Variants in VWA8 observed in about 807,000 individuals in gnomAD.
VWA8 encodes the protein von Willebrand factor A domain-containing protein 8.
A neutral mutation model predicts 241.5 loss-of-function variants in VWA8; 221 were observed. The observed-to-expected ratio is 0.91, with a 90% CI of 0.82 to 1.02. VWA8 has a LOEUF of 1.02. Among genes scored for constraint, VWA8 ranks in the 50% least tolerant of loss-of-function variants. VWA8 has a pLI of 0.00. For missense variants in VWA8, 2,322 were observed against 2,328.7 expected (o/e 1.00, Z 0.06); for synonymous variants, 852 against 827.1 (o/e 1.03, Z -0.52).
rs2045180588 is a variant in VWA8, at chr13:41,691,887, A to G, written c.3727T>C (p.Tyr1243His). Reference protein sequence around the residue: ...EFSHKNWLVFYKEKGNSLTVL... With the variant: ...EFSHKNWLVFHKEKGNSLTVL... ...TAAAGAGCTCACCCTTTTTCTTTGT[A>G]GAACACCAGCCAGTTTTTGTGTGAA... The change falls in exon 31 of 45, where the codon TAC becomes CAC. Residue 1243 changes from tyrosine (Y) to histidine (H), a missense_variant. Physicochemically the swap from Tyr to His is moderately conservative, Grantham distance 83. Coordinates refer to ENST00000379310, the MANE Select transcript of VWA8 (RefSeq NM_015058.2). 2 of 1,610,426 alleles carry G rather than the reference A, an allele frequency of 1.2e-6. No individual in the cohort carries two copies. The highest frequency in any genetic ancestry group is 1.7e-6 in the Non-Finnish European group (2 of 1,177,278).
At chr13:41,931,365 A>G (rs554561423) in intron 2 of VWA8, among the ~76,000 whole-genome samples, 14 of 144,120 alleles carry the variant, frequency 9.7e-5, no homozygotes, top group African/African-American at 3.5e-4. Flanking sequence ...CAGGGGGAGT[A>G]AAAAACACAG....
At chr13:41,585,603 C>A (rs189232306) in intron 42 of VWA8, among the ~76,000 whole-genome samples, 1 of 152,074 alleles carries the variant, frequency 6.6e-6, no homozygotes, top group Non-Finnish European at 1.5e-5. Context: ...CGGTGGCTTG[C>A]GCCTGTAATC....
At chr13:41,693,533 T>G (rs1388228582) in intron 29 of VWA8, among the ~76,000 whole-genome samples, 1 of 152,092 alleles carries the variant, frequency 6.6e-6, no homozygotes, top group African/African-American at 2.4e-5. Flanking sequence ...AACTAGCTAG[T>G]AATGAATGTT....
At chr13:41,863,395 TTGTG>T (rs140177608) in intron 12 of VWA8, among the ~76,000 whole-genome samples, 2,623 of 89,842 alleles carry the variant, frequency 0.029, 75 homozygotes, top group Middle Eastern at 0.051. Context: ...TATCTCCTAT[TTGTG>T]TGTGTGTGTG....
At chr13:41,574,990 T>C (rs2044341536) in intron 43 of VWA8, among the ~76,000 whole-genome samples, 1 of 152,120 alleles carries the variant, frequency 6.6e-6, no homozygotes, top group Admixed American at 6.5e-5. Flanking sequence ...CAATTAGCAA[T>C]TGCAATGATA....
intron 24 of VWA8, among the ~76,000 whole-genome samples, chr13:41,724,359 G>A (rs1232873772): frequency 6.6e-6 from 1 of 152,058 alleles, no homozygotes; most frequent in African/African-American, 2.4e-5. Context: ...AAAAGAGTAA[G>A]ATTAAGAGGT....
At chr13:41,729,827 A>ACACG (rs1265789020) in intron 22 of VWA8, 150 bp from the exon 23 acceptor site, 3 of 605,252 alleles carry the variant, frequency 5.0e-6, no homozygotes, top group Non-Finnish European at 7.8e-6. Flanking sequence ...ACACACACAC[A>ACACG]CACACACACA....
intron 2 of VWA8, among the ~76,000 whole-genome samples, chr13:41,924,812 G>C (rs911667098): frequency 1.3e-5 from 2 of 151,492 alleles, no homozygotes; most frequent in African/African-American, 4.9e-5. Context: ...TGCACAACGT[G>C]CAAGTCAGTT....
intron 37 of VWA8, among the ~76,000 whole-genome samples, chr13:41,647,537 C>T (rs1355503355): frequency 1.3e-5 from 2 of 152,180 alleles, no homozygotes; most frequent in East Asian, 1.9e-4. Flanking sequence ...ATTCATTTGA[C>T]AAATGCTTAC....
chr13:41,961,033 C>T lies in VWA8; in HGVS notation c.-18G>A. 1 of 1,329,298 alleles carries T rather than the reference C, an allele frequency of 7.5e-7. No individual in the cohort carries two copies. The highest frequency in any genetic ancestry group is 9.6e-7 in the Non-Finnish European group (1 of 1,045,460). 82.3% of individuals were successfully genotyped at this position (1,329,298 alleles called of 1,614,324 possible). A position where few individuals can be genotyped will look rare whatever the true frequency, so the allele number is the denominator to read the frequency against. ...GATTGCATGGCGCCGGGGGGGCTGT[C>T]GGGGACGGCGAGGGGGCTCGGGGAT... is the stretch of plus-strand genomic sequence containing the variant. On this transcript the variant is annotated 5_prime_UTR_variant, in exon 1 of 45. Transcript: ENST00000379310.
At chr13:41,873,567 T>C (rs1873747787) in intron 9 of VWA8, among the ~76,000 whole-genome samples, 3 of 152,038 alleles carry the variant, frequency 2.0e-5, no homozygotes, top group Non-Finnish European at 4.4e-5. Context: ...TCTACGCAAA[T>C]AAACTAGAAA....
intron 12 of VWA8, among the ~76,000 whole-genome samples, chr13:41,858,393 G>A (rs1027386589): frequency 6.6e-6 from 1 of 152,140 alleles, no homozygotes; most frequent in Non-Finnish European, 1.5e-5. Context: ...ATCACCTGAG[G>A]TCAGGAGTTT....
At chr13:41,706,876 G>A (rs1222592197) in intron 26 of VWA8, among the ~76,000 whole-genome samples, 1 of 152,206 alleles carries the variant, frequency 6.6e-6, no homozygotes, top group African/African-American at 2.4e-5. Context: ...CTGGAAAGAT[G>A]TGTGGATTTG....
At chr13:41,953,819 T>TA (rs1285200949) in intron 1 of VWA8, among the ~76,000 whole-genome samples, 1 of 151,410 alleles carries the variant, frequency 6.6e-6, no homozygotes, top group African/African-American at 2.4e-5. Context: ...CAAAAAAAAT[T>TA]AAAAAAGAAA....
intron 2 of VWA8, among the ~76,000 whole-genome samples, chr13:41,942,387 G>A (rs542407536): frequency 1.3e-5 from 2 of 151,954 alleles, no homozygotes; most frequent in African/African-American, 4.8e-5. Flanking sequence ...ACAAAACAAA[G>A]AAGCCTACAT....
chr13:41,920,059 C>T (rs1391273701), intron 2 of VWA8, among the ~76,000 whole-genome samples: 1 of 152,146 alleles, frequency 6.6e-6, no homozygotes, highest in Non-Finnish European at 1.5e-5. Context: ...CTCCCTGTCC[C>T]CTGGGCCGTA....
chr13:41,914,287 G>A (rs778790993), intron 2 of VWA8, among the ~76,000 whole-genome samples: 14 of 152,192 alleles, frequency 9.2e-5, no homozygotes, highest in South Asian at 2.1e-4. Context: ...GAAAATATCC[G>A]CAGGAGAGTA....
Position 41,915,991 on chromosome 13 carries a change from T to C in VWA8, c.242-3823A>G, listed in dbSNP as rs560039261. Among the ~76,000 whole-genome samples the C allele has an allele frequency of 2.6e-4, 40 of 152,296 alleles. No individual in the cohort carries two copies. The South Asian group carries it at 8.1e-3, about 31-fold the overall frequency. ...ATTCTAGAAAGCAGCAGACCTATTGTATAAAGACACAGATTCAAGACAGAT... is the reference window on the plus strand; with the variant it reads ...ATTCTAGAAAGCAGCAGACCTATTGCATAAAGACACAGATTCAAGACAGAT... On this transcript the variant is annotated intron_variant, in intron 2 of 44. Transcript: ENST00000379310.
intron 9 of VWA8, among the ~76,000 whole-genome samples, chr13:41,873,493 A>G (rs1453392788): frequency 6.6e-6 from 1 of 152,198 alleles, no homozygotes; most frequent in Non-Finnish European, 1.5e-5. Flanking sequence ...AAAAAATGAT[A>G]AAGGGGATAT....
Sources: gnomAD v4.1 joint callset for allele counts (sites outside exome capture counted in the v4.1 genomes callset) on GRCh38, gnomAD v4.1.1 for gene constraint, MANE v1.5 for transcripts, NCBI Gene and HGNC (gene_info 2026-07-23, HGNC 2026-07-21) for gene names.